SLC3A1: variants seen among roughly 807,000 people sequenced by gnomAD.
SLC3A1 encodes the protein amino acid transporter heavy chain SLC3A1.
Under a neutral mutation model 60.3 loss-of-function variants are expected in SLC3A1, and 78 were observed. The observed-to-expected ratio is 1.29, with a 90% CI of 1.08 to 1.56. SLC3A1 has a LOEUF of 1.56. Ranked by LOEUF, SLC3A1 falls within the 40% of genes most tolerant of loss-of-function variation. The pLI is 0.00. For missense variants in SLC3A1, 1,172 were observed against 858.9 expected, an observed-to-expected ratio of 1.36 and a Z score of -4.56; for synonymous variants, 392 against 307.9, an observed-to-expected ratio of 1.27 and a Z score of -2.86.
At chr2:44,311,744 T>A (rs1672304471) in intron 7 of SLC3A1, among the ~76,000 whole-genome samples, 1 of 150,364 alleles carries the variant, frequency 6.7e-6, no homozygotes, top group Non-Finnish European at 1.5e-5. Context: ...AAACCCAACC[T>A]CCTATTTCTT....
intron 7 of SLC3A1, among the ~76,000 whole-genome samples, chr2:44,306,864 A>T (rs1672171281): frequency 6.6e-6 from 1 of 151,266 alleles, no homozygotes; most frequent in Non-Finnish European, 1.5e-5. Context: ...GCCAAAATTT[A>T]CCGTTATTAA....
chr2:44,299,380 A>C (rs1006504319), intron 4 of SLC3A1, among the ~76,000 whole-genome samples: 1 of 152,160 alleles, frequency 6.6e-6, no homozygotes, highest in African/African-American at 2.4e-5. Context: ...AGACAACACT[A>C]GTATCTGAGT....
chr2:44,289,208 T>C lies in SLC3A1; in HGVS notation c.891+3051T>C, dbSNP rs573123690. Among the ~76,000 whole-genome samples the C allele has an allele frequency of 4.0e-5, 6 of 150,702 alleles. No individual in the cohort carries two copies. In the East Asian group the frequency reaches 7.8e-4, roughly 20 times the overall value. On this transcript the variant is annotated intron_variant, in intron 4 of 9. Transcript: ENST00000260649. ...AGTTCTTACATATTCTTTTTCTTTT[T>C]CTTTTTTTCTTTTTTTTTTTGAGAC...
rs1672370916 is a variant in SLC3A1 at position 44,314,302 on chromosome 2, G to T, written c.1617+351G>T. 3.2e-5 allele frequency: 17 copies of T among 526,834 alleles called. No homozygotes were observed. The South Asian group carries it at 3.7e-4, about 11-fold the overall frequency. 32.6% of individuals were successfully genotyped at this position (526,834 alleles called of 1,614,324 possible). On this transcript the variant is annotated intron_variant, in intron 9 of 9. Transcript: ENST00000260649. ...CCTCAAAAGGCAGGGAGAGAGGCGA[G>T]TGGATAGGCAGCCATGCAGGCAGTA...
At chr2:44,296,356 G>A (rs570890417) in intron 4 of SLC3A1, among the ~76,000 whole-genome samples, 49 of 152,278 alleles carry the variant, frequency 3.2e-4, no homozygotes, top group African/African-American at 1.1e-3. Context: ...TTTTCTTGTG[G>A]TTGTAGTTCC....
intron 2 of SLC3A1, 132 bp from the exon 3 acceptor site, chr2:44,281,255 C>T (rs998442563): frequency 1.2e-5 from 9 of 757,094 alleles, no homozygotes; most frequent in African/African-American, 7.1e-5. Context: ...ACCTCCTGGG[C>T]TCAAGCAATC....
At chr2:44,321,568 C>A, downstream of SLC3A1, 2 of 1,500,292 alleles carry the variant, frequency 1.3e-6, no homozygotes, top group South Asian at 1.3e-5. Context: ...GGCAAGAATA[C>A]TTTCATTCGA....
At position 44,280,891 on chromosome 2, in the gene SLC3A1, T is replaced by A. The variant is rs1200352935; in HGVS notation, c.606T>A (p.Asp202Glu). 3.7e-6 allele frequency: 6 copies of A among 1,614,018 alleles called. No homozygotes were observed. The highest frequency in any genetic ancestry group is 1.6e-4 in the Middle Eastern group (1 of 6,062). The change falls in exon 2 of 10, where the codon GAT becomes GAA. Residue 202 changes from aspartate (D) to glutamate (E), a missense_variant. Asp to Glu is a conservative substitution (Grantham distance 45, BLOSUM62 2). Transcript: ENST00000260649. ...AGAATCTGGTTGCAGCCATACATGA[T>A]AAAGGTAAGTTGAATGGAAAGTGGG... Reference protein sequence around the residue: ...DFENLVAAIHDKGLKLIIDFI... With the variant: ...DFENLVAAIHEKGLKLIIDFI...
At chr2:44,283,025 C>G (rs1242684795) in intron 3 of SLC3A1, among the ~76,000 whole-genome samples, 5 of 152,126 alleles carry the variant, frequency 3.3e-5, no homozygotes, top group African/African-American at 4.8e-5. Flanking sequence ...GGGCATCCTG[C>G]ACTTCATCTG....
At chr2:44,321,584 A>G, downstream of SLC3A1, 1 of 1,490,554 alleles carries the variant, frequency 6.7e-7, no homozygotes, top group Non-Finnish European at 8.9e-7. Flanking sequence ...TTCGAGAGAG[A>G]GGCAGAAGGC....
chr2:44,300,362 G>A (rs1671972291), intron 5 of SLC3A1, among the ~76,000 whole-genome samples: 1 of 152,158 alleles, frequency 6.6e-6, no homozygotes, highest in Admixed American at 6.5e-5. Context: ...GCTCTACCAA[G>A]GGCCACAAAA....
intron 3 of SLC3A1, among the ~76,000 whole-genome samples, chr2:44,284,154 A>G (rs959223542): frequency 5.3e-5 from 8 of 152,030 alleles, no homozygotes; most frequent in Non-Finnish European, 4.4e-5. Flanking sequence ...ATCTTGGCTC[A>G]CTGCAACCTC....
chr2:44,310,834 T>G (rs1672277580), intron 7 of SLC3A1, among the ~76,000 whole-genome samples: 2 of 152,050 alleles, frequency 1.3e-5, no homozygotes, highest in South Asian at 4.1e-4. Flanking sequence ...GGTTTTGCTC[T>G]GTTGCCCAGG....
intron 4 of SLC3A1, among the ~76,000 whole-genome samples, chr2:44,290,871 T>G (rs1671726638): frequency 6.6e-6 from 1 of 152,102 alleles, no homozygotes; most frequent in Non-Finnish European, 1.5e-5. Flanking sequence ...TTTAAACTTC[T>G]CTGGTAGCCT....
At chr2:44,312,441 A>C (rs1672321514) in intron 7 of SLC3A1, 145 bp from the exon 8 acceptor site, 3 of 769,670 alleles carry the variant, frequency 3.9e-6, no homozygotes, top group Non-Finnish European at 6.8e-6. Flanking sequence ...AGCAAATAGC[A>C]GGCCTAGGAC....
At position 44,320,588 on chromosome 2, in the gene SLC3A1, C is replaced by T. The variant is rs368784606; in HGVS notation, c.2007C>T (p.Ser669=). 1.4e-5 allele frequency: 22 copies of T among 1,613,882 alleles called. No individual in the cohort carries two copies. The highest frequency in any genetic ancestry group is 1.3e-4 in the East Asian group (6 of 44,894). The change falls in exon 10 of 10, where the codon TCC becomes TCT. Residue 669 remains serine (S), a synonymous_variant. Coordinates refer to ENST00000260649, the MANE Select transcript of SLC3A1 (RefSeq NM_000341.4). The stretch of plus-strand genomic sequence containing the variant: ...CTTTCAGAGATAGATGCTTTGTTTC[C>T]AATCGAGCATGCTATTCCAGTGTAC... ...QTAFRDRCFV[S]NRACYSSVLN...
chr2:44,300,985 T>A lies in SLC3A1; in HGVS notation c.1012-18T>A, dbSNP rs1671988470. The A allele has an allele frequency of 1.2e-6, 2 of 1,613,446 alleles. No homozygotes were observed. The highest frequency in any genetic ancestry group is 3.3e-5 in the Admixed American group (2 of 60,002). ...AATGTATGAAATGAGGGTAACCATGTCGTCCTGGTTTTCAAAGGACACGGT... is the reference window on the plus strand; with the variant it reads ...AATGTATGAAATGAGGGTAACCATGACGTCCTGGTTTTCAAAGGACACGGT... On this transcript the variant is annotated intron_variant, in intron 5 of 9. Coordinates refer to ENST00000260649, the MANE Select transcript of SLC3A1 (RefSeq NM_000341.4).
intron 4 of SLC3A1, among the ~76,000 whole-genome samples, chr2:44,297,106 T>G (rs1380609754): frequency 6.6e-6 from 1 of 152,226 alleles, no homozygotes; most frequent in Non-Finnish European, 1.5e-5. Flanking sequence ...TCATTTGGGA[T>G]CTGTGGCTCT....
intron 7 of SLC3A1, 39 bp from the exon 8 acceptor site, chr2:44,312,547 G>C: frequency 6.2e-7 from 1 of 1,605,142 alleles, no homozygotes; most frequent in South Asian, 1.1e-5. Flanking sequence ...TCAGAAAACT[G>C]TGTATACAGC....
Sources: allele counts gnomAD v4.1 joint callset (sites outside exome capture counted in the v4.1 genomes callset), GRCh38; gene constraint gnomAD v4.1.1; transcripts MANE v1.5; gene names NCBI Gene and HGNC (gene_info 2026-07-23, HGNC 2026-07-21).